BZW2: variants seen among roughly 807,000 people sequenced by gnomAD.
BZW2 encodes eIF5-mimic protein 1.
A neutral mutation model predicts 53.2 loss-of-function variants in BZW2; 23 were observed. The observed-to-expected ratio is 0.43, with a 90% CI of 0.31 to 0.61. The LOEUF (loss-of-function observed/expected upper bound fraction) is 0.61. Among genes scored for constraint, BZW2 ranks in the 20% least tolerant of loss-of-function variants. The pLI is 0.09. For synonymous variants in BZW2, 227 were observed against 186.4 expected (o/e 1.22, Z -1.77); for missense variants, 409 against 503.1 (o/e 0.81, Z 1.79).
Position 16,704,769 on chromosome 7 carries a change from T to C in BZW2, c.1231+100T>C, listed in dbSNP as rs940525734. On this transcript the variant is annotated intron_variant, in intron 11 of 11. Transcript: ENST00000258761. The stretch of plus-strand genomic sequence containing the variant: ...CAGATTTTACTTGATTTTCTAAAAC[T>C]AAAATTCTAGAGTTATCTTTCGTAT... 4 of 1,246,684 alleles carry C rather than the reference T, an allele frequency of 3.2e-6. No homozygotes were observed. The South Asian group carries it at 8.2e-5, about 26-fold the overall frequency. The allele number at this position is 1,246,684 out of a possible 1,614,324, so 77.2% of individuals were successfully genotyped here.
chr7:16,702,925 G>A (rs1217250220), intron 10 of BZW2, among the ~76,000 whole-genome samples: 4 of 152,138 alleles, frequency 2.6e-5, no homozygotes, highest in African/African-American at 9.7e-5. Flanking sequence ...AGGAAGACAT[G>A]ATCCAAACAG....
intron 3 of BZW2, among the ~76,000 whole-genome samples, chr7:16,678,544 A>G (rs1445359861): frequency 6.6e-6 from 1 of 152,228 alleles, no homozygotes; most frequent in African/African-American, 2.4e-5. Flanking sequence ...AATATGTAAT[A>G]AGTGTTTTCT....
At chr7:16,698,334 C>G (rs1783567457) in intron 10 of BZW2, 148 bp downstream of exon 10, 3 of 1,097,564 alleles carry the variant, frequency 2.7e-6, no homozygotes, top group Non-Finnish European at 2.7e-6. Flanking sequence ...TTGAGGCAAC[C>G]ATACCATGTA....
chr7:16,650,012 T>C (rs886617307), intron 1 of BZW2, among the ~76,000 whole-genome samples: 4 of 148,922 alleles, frequency 2.7e-5, no homozygotes, highest in African/African-American at 9.8e-5. Context: ...CTAAGAAATC[T>C]TTTTTTTTTA....
At chr7:16,663,529 C>G (rs1362160386) in intron 1 of BZW2, among the ~76,000 whole-genome samples, 1 of 151,880 alleles carries the variant, frequency 6.6e-6, no homozygotes, top group African/African-American at 2.4e-5. Flanking sequence ...TTATGTGAAG[C>G]TACAAGTTTC....
chr7:16,677,325 G>A (rs1782796743), intron 3 of BZW2, among the ~76,000 whole-genome samples: 1 of 152,174 alleles, frequency 6.6e-6, no homozygotes, highest in Non-Finnish European at 1.5e-5. Context: ...AAAGGTGGAT[G>A]TGGTCACCTT....
At chr7:16,681,566 C>T (rs984821704) in intron 4 of BZW2, among the ~76,000 whole-genome samples, 162 bp downstream of exon 4, 1 of 152,176 alleles carries the variant, frequency 6.6e-6, no homozygotes, top group African/African-American at 2.4e-5. Flanking sequence ...CAGTGTGGCT[C>T]GAGCCTATAA....
At chr7:16,704,479 A>G (rs1783771967) in intron 10 of BZW2, 68 bp from the exon 11 acceptor site, 1 of 1,403,424 alleles carries the variant, frequency 7.1e-7, no homozygotes, top group Non-Finnish European at 9.6e-7. Context: ...TTAAACTGTA[A>G]TACATGAAGT....
intron 1 of BZW2, among the ~76,000 whole-genome samples, chr7:16,657,007 T>C (rs1782141528): frequency 6.6e-6 from 1 of 152,180 alleles, no homozygotes; most frequent in African/African-American, 2.4e-5. Context: ...TGCTCCAGCC[T>C]TGGAGTCAGC....
At position 16,665,459 on chromosome 7, in the gene BZW2, A is replaced by C; in HGVS notation, c.16A>C (p.Lys6Gln). MNKHQ[K>Q]PVLTGQRFKT... is the part of the protein sequence containing the mutation. ...CAGAAATTTTATGAATAAGCATCAG[A>C]AGCCAGTGCTAACAGGCCAGCGGTT... Residue 6 changes from lysine (K) to glutamine (Q), a missense_variant, in exon 2 of 12, where the codon AAG becomes CAG. Lys to Gln is a moderately conservative substitution (Grantham distance 53). This residue lies in a region of BZW2 where 316 missense variants were observed against 366.8 expected (regional missense o/e 0.86). Transcript: ENST00000258761. The C allele has an allele frequency of 6.2e-7, 1 of 1,614,190 alleles. No homozygotes were observed. The highest frequency in any genetic ancestry group is 8.5e-7 in the Non-Finnish European group (1 of 1,180,042).
intron 2 of BZW2, 44 bp downstream of exon 2, chr7:16,665,545 A>G: frequency 6.3e-7 from 1 of 1,597,528 alleles, no homozygotes; most frequent in Non-Finnish European, 8.5e-7. Flanking sequence ...AGTTGTAACC[A>G]AAATATAAGA....
chr7:16,679,156 A>T (rs1782862636), intron 3 of BZW2, among the ~76,000 whole-genome samples: 3 of 152,138 alleles, frequency 2.0e-5, no homozygotes, highest in Admixed American at 6.6e-5. Context: ...GCTGCAGGAG[A>T]CCAGGGTGTA....
At chr7:16,701,240 C>A (rs1039243826) in intron 10 of BZW2, among the ~76,000 whole-genome samples, 1 of 152,236 alleles carries the variant, frequency 6.6e-6, no homozygotes, top group Admixed American at 6.5e-5. Flanking sequence ...TCAAGCATCA[C>A]ATTATTGACT....
chr7:16,678,087 C>CTTTTTTTTTTTTTTTT (rs71007780), intron 3 of BZW2, among the ~76,000 whole-genome samples: 2 of 66,916 alleles, frequency 3.0e-5, no homozygotes, highest in East Asian at 5.6e-4. Flanking sequence ...TTCCATTGTT[C>CTTTTTTTTTTTTTTTT]TTTTTTTTTT....
chr7:16,648,700 C>G (rs1021099978), intron 1 of BZW2, among the ~76,000 whole-genome samples: 1 of 152,166 alleles, frequency 6.6e-6, no homozygotes, highest in Non-Finnish European at 1.5e-5. Context: ...CATCTGGGCC[C>G]TCCCACACAC....
chr7:16,673,202 T>C lies in BZW2; in HGVS notation c.59-1210T>C, dbSNP rs144221678. Among the ~76,000 whole-genome samples the C allele has an allele frequency of 9.2e-3, 1,393 of 152,228 alleles. 12 individuals are homozygous for C. Among genetic ancestry groups the C allele is most frequent in the African/African-American group, 0.031 (1,269 of 41,540 alleles). On this transcript the variant is annotated intron_variant, in intron 2 of 11. Transcript: ENST00000258761. Reference sequence around the variant, plus strand: ...ACCTCGTGATCCGCCCGCCTCGGCCTCCCAAAGTGCTGGGATTACAGGCGT... The same window carrying C: ...ACCTCGTGATCCGCCCGCCTCGGCCCCCCAAAGTGCTGGGATTACAGGCGT...
At chr7:16,685,881 T>TTC in intron 5 of BZW2, 24 bp from the exon 6 acceptor site, 1 of 1,156,438 alleles carries the variant, frequency 8.6e-7, no homozygotes. Flanking sequence ...TTTTTCTTTT[T>TTC]TTTTTTTTTT....
intron 3 of BZW2, among the ~76,000 whole-genome samples, chr7:16,678,606 T>C (rs1475390774): frequency 6.6e-6 from 1 of 152,230 alleles, no homozygotes; most frequent in Non-Finnish European, 1.5e-5. Flanking sequence ...GTCTGTAGTT[T>C]CAATATCAAA....
intron 10 of BZW2, among the ~76,000 whole-genome samples, chr7:16,703,095 G>T (rs764616662): frequency 3.9e-5 from 6 of 152,098 alleles, no homozygotes; most frequent in Non-Finnish European, 7.4e-5. Flanking sequence ...CTGCTCCTCA[G>T]CTCTATGACA....
Sources: allele counts gnomAD v4.1 joint callset (sites outside exome capture counted in the v4.1 genomes callset), GRCh38; gene constraint gnomAD v4.1.1; regional missense constraint gnomAD v4.1.1; transcripts MANE v1.5; gene names NCBI Gene and HGNC (gene_info 2026-07-23, HGNC 2026-07-21).